Variants in KCNK4 observed in about 807,000 individuals in gnomAD.
KCNK4 encodes the protein potassium channel subfamily K member 4.
In KCNK4, 22 loss-of-function variants were observed where a neutral mutation model predicts 28.8. The ratio of observed to expected loss-of-function variants is 0.76; its 90% CI spans 0.55 to 1.09. The LOEUF is 1.09. Ranked by LOEUF, KCNK4 falls within the 50% of genes least tolerant of loss-of-function variation. The pLI, the probability that KCNK4 is intolerant of heterozygous loss-of-function variation, is 0.00. For missense variants in KCNK4, 483 were observed against 546.3 expected, an observed-to-expected ratio of 0.88 and a Z score of 1.15; for synonymous variants, 263 against 252.9, an observed-to-expected ratio of 1.04 and a Z score of -0.38.
rs1308620973 is a variant in KCNK4 at position 64,299,525 on chromosome 11, G to A, written c.981G>A (p.Gln327=). 4 of 1,610,064 alleles carry A rather than the reference G, an allele frequency of 2.5e-6. No individual in the cohort carries two copies. Among genetic ancestry groups the A allele is most frequent in the Middle Eastern group, 1.7e-4 (1 of 6,050 alleles). ...PRSPSPPEKA[Q]PPSPPTASAL... is the part of the protein sequence containing the mutation. ...CCCCTTCGCCCCCCGAGAAGGCTCA[G>A]CCGCCTTCCCCGCCCACGGCCTCGG... The change falls in exon 7 of 7, where the codon CAG becomes CAA. Residue 327 remains glutamine, a synonymous_variant. Transcript: ENST00000422670.
At chr11:64,293,847 C>T (rs758284866) in intron 2 of KCNK4, among the ~76,000 whole-genome samples, 2 of 152,060 alleles carry the variant, frequency 1.3e-5, no homozygotes, top group African/African-American at 2.4e-5. Context: ...GTGATCCACC[C>T]GCCTCGGCCT....
chr11:64,293,339 G>A (rs1565368043), intron 2 of KCNK4, 132 bp downstream of exon 2: 4 of 1,013,754 alleles, frequency 3.9e-6, no homozygotes, highest in South Asian at 2.4e-5. Flanking sequence ...GGAGGCTGTG[G>A]GACAGAGGCT....
intron 5 of KCNK4, among the ~76,000 whole-genome samples, chr11:64,297,858 CAT>C (rs2034815236): frequency 6.6e-6 from 1 of 152,222 alleles, no homozygotes; most frequent in African/African-American, 2.4e-5. Context: ...CATGCTCACA[CAT>C]ATATTAAATG....
At chr11:64,297,743 G>A (rs2034812457) in intron 5 of KCNK4, 90 bp downstream of exon 5, 3 of 1,385,012 alleles carry the variant, frequency 2.2e-6, no homozygotes, top group South Asian at 2.7e-5. Context: ...CAGATCCCAT[G>A]TGGTTGCTCT....
At chr11:64,292,466 G>A (rs552336358) in intron 1 of KCNK4, among the ~76,000 whole-genome samples, 90 of 152,278 alleles carry the variant, frequency 5.9e-4, no homozygotes, top group African/African-American at 2.1e-3. Flanking sequence ...GAGAAGCCGC[G>A]GAGATGCTGT....
chr11:64,299,050 G>GAAAAAAAAAAAAAAAAA (rs56097945), intron 6 of KCNK4, among the ~76,000 whole-genome samples: 3 of 85,076 alleles, frequency 3.5e-5, no homozygotes, highest in African/African-American at 4.6e-5. Flanking sequence ...AAAAAAAGAA[G>GAAAAAAAAAAAAAAAAA]AAAAAAAAAA....
chr11:64,298,838 C>G (rs1167172782), intron 6 of KCNK4, among the ~76,000 whole-genome samples: 1 of 151,482 alleles, frequency 6.6e-6, no homozygotes, highest in East Asian at 1.9e-4. Context: ...GTCAGGAGTT[C>G]GAGACCAGCC....
At position 64,299,551 on chromosome 11, in the gene KCNK4, C is replaced by T; in HGVS notation, c.1007C>T (p.Ala336Val). 1 of 1,610,598 alleles carries T rather than the reference C, an allele frequency of 6.2e-7. No individual in the cohort carries two copies. Among genetic ancestry groups the T allele is most frequent in the South Asian group, 1.1e-5 (1 of 90,952 alleles). Residue 336 changes from alanine to valine, a missense_variant, in exon 7 of 7, where the codon GCC becomes GTC. By Grantham distance (64) the Ala-to-Val change is moderately conservative (BLOSUM62 0). Transcript: ENST00000422670. The stretch of plus-strand genomic sequence containing the variant: ...CCGCCTTCCCCGCCCACGGCCTCGG[C>T]CCTGGATTATCCCAGCGAGAACCTG... Reference protein sequence around the residue: ...AQPPSPPTASALDYPSENLAF... With the variant: ...AQPPSPPTASVLDYPSENLAF...
chr11:64,293,023 G>A lies in KCNK4; in HGVS notation c.5G>A (p.Arg2His), dbSNP rs867555217. Residue 2 changes from arginine (R) to histidine (H), a missense_variant, in exon 2 of 7, where the codon CGC becomes CAC. Coordinates refer to ENST00000422670, the MANE Select transcript of KCNK4 (RefSeq NM_033310.3). M[R>H]STTLLALLAL... is the part of the protein sequence containing the mutation. Reference sequence around the variant, plus strand: ...GGCCCGGCGCCTGGGCGCGCCATGCGCAGCACCACGCTCCTGGCCCTGCTG... The same window carrying A: ...GGCCCGGCGCCTGGGCGCGCCATGCACAGCACCACGCTCCTGGCCCTGCTG... 3.2e-6 allele frequency: 5 copies of A among 1,545,040 alleles called. No homozygotes were observed. The Admixed American group carries it at 5.9e-5, about 18-fold the overall frequency.
In KCNK4 at chr11:64,297,008, G is replaced by A; in HGVS notation, c.313+7G>A. ...ACCATCATCACCACCATCGGTGGGG[G>A]AGGGGATTGGCATGTGGGGGGCGGC... On this transcript the variant is annotated splice_region_variant and intron_variant, in intron 3 of 6. Transcript: ENST00000422670. 1 of 1,554,828 alleles carries A rather than the reference G, an allele frequency of 6.4e-7. No homozygotes were observed. Among genetic ancestry groups the A allele is most frequent in the South Asian group, 1.2e-5 (1 of 82,180 alleles).
intron 6 of KCNK4, 149 bp from the exon 7 acceptor site, chr11:64,299,197 C>T (rs185287351): frequency 1.5e-6 from 1 of 679,416 alleles, no homozygotes; most frequent in Admixed American, 3.8e-5. Flanking sequence ...AGTGGAGGAG[C>T]CCTTCCATCC....
At chr11:64,297,440 G>A in intron 4 of KCNK4, 27 bp from the exon 5 acceptor site, 2 of 1,612,596 alleles carry the variant, frequency 1.2e-6, no homozygotes, top group Middle Eastern at 1.7e-4. Flanking sequence ...GTGTCTCCTG[G>A]GTCCTGCCTA....
At chr11:64,292,078 G>T in intron 1 of KCNK4, 1 of 1,105,218 alleles carries the variant, frequency 9.0e-7, no homozygotes, top group Non-Finnish European at 1.1e-6. Context: ...ACGCCCATGG[G>T]GGCCGGGGAT....
At position 64,296,841 on chromosome 11, in the gene KCNK4, A is replaced by G. The variant is rs372331487; in HGVS notation, c.190-37A>G. On this transcript the variant is annotated intron_variant, in intron 2 of 6. Coordinates refer to ENST00000422670, the MANE Select transcript of KCNK4 (RefSeq NM_033310.3). The stretch of plus-strand genomic sequence containing the variant: ...CACGAGTTGCCCTAGACAGGAGGGA[A>G]GAACTGAAGCTCCTCCTTCTGCACC... 109 of 1,496,866 alleles carry G rather than the reference A, an allele frequency of 7.3e-5. No individual in the cohort carries two copies. In the East Asian group the frequency reaches 7.5e-4, roughly 10 times the overall value. 92.7% of individuals were successfully genotyped at this position (1,496,866 alleles called of 1,614,324 possible).
chr11:64,293,245 A>C (rs80251760), intron 2 of KCNK4, 38 bp downstream of exon 2: 1 of 1,415,706 alleles, frequency 7.1e-7, no homozygotes, highest in African/African-American at 1.5e-5. Flanking sequence ...GCTGTCACCC[A>C]TCACCCCTGG....
chr11:64,292,269 G>A (rs2034649233), intron 1 of KCNK4, among the ~76,000 whole-genome samples: 2 of 152,088 alleles, frequency 1.3e-5, no homozygotes, highest in Admixed American at 1.3e-4. Context: ...GCTGTCTCGG[G>A]GGCTGTCGCC....
Position 64,293,189 on chromosome 11 carries a change from G to C in KCNK4, c.171G>C (p.Glu57Asp), listed in dbSNP as rs2034682995. The C allele has an allele frequency of 1.4e-6, 2 of 1,475,490 alleles. No individual in the cohort carries two copies. The highest frequency in any genetic ancestry group is 5.2e-5 in the East Asian group (2 of 38,332). 91.4% of individuals were successfully genotyped at this position (1,475,490 alleles called of 1,614,324 possible). The change falls in exon 2 of 7, where the codon GAG (glutamate) becomes GAC (aspartate). Residue 57 changes from glutamate to aspartate, a missense_variant. Physicochemically the swap from Glu to Asp is conservative, Grantham distance 45. Coordinates refer to ENST00000422670, the MANE Select transcript of KCNK4 (RefSeq NM_033310.3). ...LRAHPCVSDQ[E>D]LGLLIKEVAD... ...CCCATCCGTGTGTGAGCGACCAGGA[G>C]CTGGGCCTCCTCATCAAGGTGCGTG...
At position 64,294,604 on chromosome 11, in the gene KCNK4, G is replaced by A. The variant is rs760343655; in HGVS notation, c.189+1397G>A. 2.1e-4 allele frequency among the ~76,000 whole-genome samples: 32 copies of A among 151,324 alleles called. 1 individual carries two copies. The highest frequency in any genetic ancestry group is 4.9e-4 in the African/African-American group (20 of 41,176). On this transcript the variant is annotated intron_variant, in intron 2 of 6. Transcript: ENST00000422670. Reference sequence around the variant, plus strand: ...CACGTCTGTTACTTTTTCTGATTTCGGAGTCACTGTCATACAAAAAAATTA... The same window carrying A: ...CACGTCTGTTACTTTTTCTGATTTCAGAGTCACTGTCATACAAAAAAATTA...
intron 6 of KCNK4, among the ~76,000 whole-genome samples, chr11:64,298,510 C>T (rs988953250): frequency 4.6e-5 from 7 of 152,216 alleles, no homozygotes; most frequent in African/African-American, 1.4e-4. Flanking sequence ...GGTGAGATCC[C>T]GCCTCTAGAA....
Sources: gnomAD v4.1 joint callset for allele counts (sites outside exome capture counted in the v4.1 genomes callset) on GRCh38, gnomAD v4.1.1 for gene constraint, MANE v1.5 for transcripts, NCBI Gene and HGNC (gene_info 2026-07-23, HGNC 2026-07-21) for gene names.